Variants in SDK1 observed in about 807,000 individuals in gnomAD.
SDK1 encodes sidekick cell adhesion molecule 1.
Under a neutral mutation model 245.5 loss-of-function variants are expected in SDK1, and 157 were observed. The ratio of observed to expected loss-of-function variants is 0.64; its 90% CI spans 0.56 to 0.73. SDK1 has a LOEUF of 0.73. Ranked by LOEUF, SDK1 falls within the 30% of genes least tolerant of loss-of-function variation. SDK1 has a pLI of 0.00. For synonymous variants in SDK1, 1,647 were observed against 1,278.5 expected, an observed-to-expected ratio of 1.29 and a Z score of -6.15; for missense variants, 3,583 against 3,002.3, an observed-to-expected ratio of 1.19 and a Z score of -4.52.
chr7:3,704,201 T>C (rs978062251), intron 4 of SDK1, among the ~76,000 whole-genome samples: 2 of 152,166 alleles, frequency 1.3e-5, no homozygotes, highest in African/African-American at 2.4e-5. Flanking sequence ...TCCATTCAAG[T>C]TTCCGCCAAA....
intron 1 of SDK1, among the ~76,000 whole-genome samples, chr7:3,378,121 G>A (rs907012131): frequency 2.6e-5 from 4 of 152,118 alleles, no homozygotes; most frequent in Non-Finnish European, 4.4e-5. Flanking sequence ...AGCCACTCTT[G>A]CCTGTATTTG....
intron 4 of SDK1, among the ~76,000 whole-genome samples, chr7:3,696,955 C>T (rs1529659): frequency 0.79 from 119,984 of 151,772 alleles, 47,502 homozygotes; most frequent in Non-Finnish European, 0.81. Flanking sequence ...AAAAATTCAT[C>T]TTGTTTATGG....
chr7:3,885,024 C>T (rs1413873852), intron 5 of SDK1, among the ~76,000 whole-genome samples: 1 of 150,828 alleles, frequency 6.6e-6, no homozygotes, highest in East Asian at 1.9e-4. Flanking sequence ...TAGTGTGTCT[C>T]CCCCGACCCC....
chr7:3,387,534 C>T (rs926894693), intron 1 of SDK1, among the ~76,000 whole-genome samples: 1 of 152,192 alleles, frequency 6.6e-6, no homozygotes, highest in Admixed American at 6.5e-5. Flanking sequence ...ATATGCCAAT[C>T]ACAGTGGAGT....
rs1418335916 is a variant in SDK1, at chr7:3,580,996, C to CAAAAAAAAAAAAAAAAAAAAAAAAA, written c.299-38080_299-38079insAAAAAAAAAAAAAAAAAAAAAAAAA. On this transcript the variant is annotated intron_variant, in intron 1 of 44. Transcript: ENST00000404826. ...AAAAAAAAAAAAAAAAAAAAAAAAC[C>CAAAAAAAAAAAAAAAAAAAAAAAAA]AAAACAAAACCCTGGAAGACAATCT... Among the ~76,000 whole-genome samples the CAAAAAAAAAAAAAAAAAAAAAAAAA allele has an allele frequency of 5.4e-5, 5 of 92,966 alleles. 2 individuals carry two copies. Among genetic ancestry groups the CAAAAAAAAAAAAAAAAAAAAAAAAA allele is most frequent in the South Asian group, 4.4e-4 (1 of 2,274 alleles). The allele number at this position is 92,966 out of a possible 152,430, so 61.0% of individuals were successfully genotyped here.
intron 4 of SDK1, among the ~76,000 whole-genome samples, chr7:3,807,301 A>G (rs1011484168): frequency 5.9e-5 from 9 of 152,192 alleles, no homozygotes; most frequent in Non-Finnish European, 1.2e-4. Context: ...GGAGGGTTCT[A>G]TCAGGATAGG....
In SDK1 at chr7:4,175,793, C is replaced by G; in HGVS notation, c.4955C>G (p.Thr1652Arg). The change falls in exon 34 of 45, where the codon ACG (threonine) becomes AGG (arginine). Residue 1652 changes from threonine (T) to arginine (R), a missense_variant. Thr to Arg is a moderately conservative substitution (Grantham distance 71). Transcript: ENST00000404826. ...CCAATAGCCCAAAGCAGCTTCAAGA[C>G]GGTGAACAGCAGCTCCACATCGACG... is the stretch of plus-strand genomic sequence containing the variant. ...AELTAQSSFKTVNSSSTSTMC... is the reference protein window; with the variant it reads ...AELTAQSSFKRVNSSSTSTMC... The G allele has an allele frequency of 6.2e-7, 1 of 1,613,930 alleles. No individual in the cohort carries two copies. Among genetic ancestry groups the G allele is most frequent in the Non-Finnish European group, 8.5e-7 (1 of 1,179,990 alleles).
intron 1 of SDK1, among the ~76,000 whole-genome samples, chr7:3,370,478 CA>C (rs1388584330): frequency 6.6e-6 from 1 of 152,076 alleles, no homozygotes; most frequent in Non-Finnish European, 1.5e-5. Context: ...AATCTGAGTC[CA>C]ACTAAAATGG....
rs76302893 is a variant in SDK1, at chr7:3,918,426, C to T, written c.848-32497C>T. On this transcript the variant is annotated intron_variant, in intron 5 of 44. Coordinates refer to ENST00000404826, the MANE Select transcript of SDK1 (RefSeq NM_152744.4). ...CGAACCCTATTGTGAGCTGTGCCCGCGAGGCATCTAGGTTACACACGCCTT... is the reference window on the plus strand; with the variant it reads ...CGAACCCTATTGTGAGCTGTGCCCGTGAGGCATCTAGGTTACACACGCCTT... Among the ~76,000 whole-genome samples the T allele has an allele frequency of 7.0e-3, 1,070 of 152,250 alleles. 10 individuals carry two copies. Among genetic ancestry groups the T allele is most frequent in the African/African-American group, 0.02 (819 of 41,532 alleles).
chr7:4,239,043 C>T (rs997137770), intron 42 of SDK1, among the ~76,000 whole-genome samples: 24 of 152,174 alleles, frequency 1.6e-4, no homozygotes, highest in African/African-American at 5.6e-4. Flanking sequence ...TGCCTGTGTC[C>T]GTGGTCTAGC....
At position 4,265,298 on chromosome 7, in the gene SDK1, A is replaced by G. The variant is rs1583208396; in HGVS notation, c.6556A>G (p.Ile2186Val). 3.2e-6 allele frequency: 5 copies of G among 1,576,460 alleles called. No homozygotes were observed. The East Asian group carries it at 1.1e-4, about 36-fold the overall frequency. ...SEAGAQLHPV[I>V]TTQSAGGVYT... is the part of the protein sequence containing the mutation. ...GGCGGGCGCGCAGCTGCACCCGGTC[A>G]TCACCACGCAGAGCGCGGGCGGCGT... is the stretch of plus-strand genomic sequence containing the variant. The change falls in exon 45 of 45, where the codon ATC becomes GTC. Residue 2186 changes from isoleucine to valine, a missense_variant. Ile to Val is a conservative substitution (Grantham distance 29). Coordinates refer to ENST00000404826, the MANE Select transcript of SDK1 (RefSeq NM_152744.4).
At chr7:3,880,195 C>T (rs996302035) in intron 5 of SDK1, among the ~76,000 whole-genome samples, 14 of 152,204 alleles carry the variant, frequency 9.2e-5, no homozygotes, top group Admixed American at 7.9e-4. Flanking sequence ...TCTGCAACTT[C>T]GGGATGGCCA....
At chr7:3,537,856 C>T (rs73036002) in intron 1 of SDK1, among the ~76,000 whole-genome samples, 14,233 of 152,178 alleles carry the variant, frequency 0.094, 883 homozygotes, top group African/African-American at 0.17. Flanking sequence ...TTGGGGCCTC[C>T]GTGCACAAAT....
chr7:3,603,114 G>A (rs550921533), intron 1 of SDK1, among the ~76,000 whole-genome samples: 2,908 of 149,900 alleles, frequency 0.019, 36 homozygotes, highest in Non-Finnish European at 0.034. Flanking sequence ...GTCAGGTAGC[G>A]TGATGCCTCC....
At chr7:3,598,692 A>G (rs1039490467) in intron 1 of SDK1, among the ~76,000 whole-genome samples, 10 of 152,184 alleles carry the variant, frequency 6.6e-5, no homozygotes, top group Admixed American at 3.3e-4. Context: ...CAAGAATATT[A>G]TATAAAAGGA....
intron 9 of SDK1, among the ~76,000 whole-genome samples, chr7:3,963,947 C>A (rs888774395): frequency 6.6e-6 from 1 of 152,022 alleles, no homozygotes; most frequent in Non-Finnish European, 1.5e-5. Flanking sequence ...ACACCCAGGC[C>A]GACGGCTACC....
intron 1 of SDK1, among the ~76,000 whole-genome samples, chr7:3,494,146 G>A (rs1781950229): frequency 6.6e-6 from 1 of 152,020 alleles, no homozygotes; most frequent in African/African-American, 2.4e-5. Flanking sequence ...CCTCCCCACT[G>A]CCCCAACATT....
chr7:4,019,887 G>A lies in SDK1; in HGVS notation c.2602+2535G>A, dbSNP rs192707771. Among the ~76,000 whole-genome samples, 4 of 152,266 alleles carry A rather than the reference G, an allele frequency of 2.6e-5. No individual in the cohort carries two copies. The East Asian group carries it at 5.8e-4, about 22-fold the overall frequency. ...CCTCCCTTGTTCCCTTTTAAGCCTGGTGTGGAAACACAGGTGGCCCCGTCC... is the reference window on the plus strand; with the variant it reads ...CCTCCCTTGTTCCCTTTTAAGCCTGATGTGGAAACACAGGTGGCCCCGTCC... On this transcript the variant is annotated intron_variant, in intron 17 of 44. Coordinates refer to ENST00000404826, the MANE Select transcript of SDK1 (RefSeq NM_152744.4).
rs370328510 is a variant in SDK1, at chr7:4,265,162, C to T, written c.6420C>T (p.His2140=). 4 of 1,612,470 alleles carry T rather than the reference C, an allele frequency of 2.5e-6. No individual in the cohort carries two copies. In the African/African-American group the frequency reaches 4.0e-5, roughly 16 times the overall value. Residue 2140 remains histidine, a synonymous_variant, in exon 45 of 45, where the codon CAC becomes CAT. Transcript: ENST00000404826. ...DSDYEDALPK[H]SFVNHYMSDP... The stretch of plus-strand genomic sequence containing the variant: ...ACTACGAGGACGCGCTGCCCAAGCA[C>T]TCCTTCGTGAACCACTACATGAGCG...
Sources: gnomAD v4.1 joint callset for allele counts (sites outside exome capture counted in the v4.1 genomes callset) on GRCh38, gnomAD v4.1.1 for gene constraint, MANE v1.5 for transcripts, NCBI Gene and HGNC (gene_info 2026-07-23, HGNC 2026-07-21) for gene names.